The following RPS6KB2 variants were observed in gnomAD, a reference collection of about 807,000 sequenced individuals.
RPS6KB2 encodes ribosomal protein S6 kinase B2.
In RPS6KB2, 51 loss-of-function variants were observed where a neutral mutation model predicts 58.2. The observed-to-expected ratio is 0.88, with a 90% CI of 0.70 to 1.11. The LOEUF is 1.11. Among genes scored for constraint, RPS6KB2 ranks in the 50% least tolerant of loss-of-function variants. The pLI, the probability that RPS6KB2 is intolerant of heterozygous loss-of-function variation, is 0.00. For missense variants in RPS6KB2, 671 were observed against 655.8 expected, an observed-to-expected ratio of 1.02 and a Z score of -0.25; for synonymous variants, 293 against 258.6, an observed-to-expected ratio of 1.13 and a Z score of -1.28.
At chr11:67,433,932 T>G (rs76630482) in intron 10 of RPS6KB2, 63 bp from the exon 11 acceptor site, 1 of 1,587,294 alleles carries the variant, frequency 6.3e-7, no homozygotes, top group Non-Finnish European at 8.6e-7. Context: ...CAGCTAGCCC[T>G]GGGACCCGGG....
At chr11:67,432,440 C>T (rs1238882670) in intron 5 of RPS6KB2, 160 bp from the exon 6 acceptor site, 16 of 780,764 alleles carry the variant, frequency 2.0e-5, no homozygotes, top group African/African-American at 5.1e-5. Context: ...GAGTAGGCGT[C>T]GGTAGATGTT....
chr11:67,429,966 A>T (rs772840735), intron 4 of RPS6KB2: 1 of 182,896 alleles, frequency 5.5e-6, no homozygotes, highest in Non-Finnish European at 1.2e-5. Flanking sequence ...GGCGCTTGCC[A>T]CCACACCCAG....
chr11:67,433,194 T>C lies in RPS6KB2; in HGVS notation c.776T>C (p.Met259Thr), dbSNP rs1256596420. ...GACTGGTGGAGCCTGGGGGCCCTGA[T>C]GTACGACATGCTCACTGGATCGGCA... ...AVDWWSLGALMYDMLTGSPPF... is the reference protein window; with the variant it reads ...AVDWWSLGALTYDMLTGSPPF... Residue 259 changes from methionine to threonine, a missense_variant, in exon 9 of 15, where the codon ATG becomes ACG. Coordinates refer to ENST00000312629, the MANE Select transcript of RPS6KB2 (RefSeq NM_003952.3). 1 of 1,606,132 alleles carries C rather than the reference T, an allele frequency of 6.2e-7. No individual in the cohort carries two copies. The highest frequency in any genetic ancestry group is 8.5e-7 in the Non-Finnish European group (1 of 1,178,646).
rs759417824 is a variant in RPS6KB2, at chr11:67,432,585, G to A, written c.458-15G>A. ...TTGGACCCAGCACGTGGCTGCTGACGTGTTTGTGTGGCAGGTGGCGAGCTC... is the reference window on the plus strand; with the variant it reads ...TTGGACCCAGCACGTGGCTGCTGACATGTTTGTGTGGCAGGTGGCGAGCTC... On this transcript the variant is annotated splice_polypyrimidine_tract_variant and intron_variant, in intron 5 of 14. Coordinates refer to ENST00000312629, the MANE Select transcript of RPS6KB2 (RefSeq NM_003952.3). The A allele has an allele frequency of 5.6e-6, 9 of 1,614,036 alleles. No homozygotes were observed. The East Asian group carries it at 6.7e-5, about 12-fold the overall frequency.
chr11:67,434,259 C>A lies in RPS6KB2; in HGVS notation c.1031C>A (p.Pro344His). The A allele has an allele frequency of 6.2e-7, 1 of 1,613,652 alleles. No individual in the cohort carries two copies. The highest frequency in any genetic ancestry group is 1.7e-5 in the Admixed American group (1 of 60,030). ...DDLLAWRVDP[P>H]FRPCLQSEED... is the part of the protein sequence containing the mutation. ...CTTCTGGCCTGGCGTGTGGACCCCC[C>A]TTTCAGGCCCTGTCTGGTGAGCAGC... The change falls in exon 12 of 15, where the codon CCT (proline) becomes CAT (histidine). Residue 344 changes from proline (P) to histidine (H), a missense_variant. Transcript: ENST00000312629.
At position 67,432,400 on chromosome 11, in the gene RPS6KB2, C is replaced by T. The variant is rs765089368; in HGVS notation, c.458-200C>T. ...GTGGCTGGGTCTCTTCATCCTGTCC[C>T]CAGCTTCACCCAGCACAGGGCCAGG... On this transcript the variant is annotated intron_variant, in intron 5 of 14. Coordinates refer to ENST00000312629, the MANE Select transcript of RPS6KB2 (RefSeq NM_003952.3). 2.3e-5 allele frequency: 16 copies of T among 703,772 alleles called. No homozygotes were observed. The Admixed American group carries it at 2.4e-4, about 11-fold the overall frequency. The allele number at this position is 703,772 out of a possible 1,614,324, so 43.6% of individuals were successfully genotyped here.
chr11:67,431,029 AT>A (rs60580998), intron 4 of RPS6KB2: 5,647 of 128,618 alleles, frequency 0.044, 127 homozygotes, highest in East Asian at 0.11. Context: ...GGTTGCCCCC[AT>A]TTTTTTTTTT....
chr11:67,429,430 C>G (rs1429361819), intron 3 of RPS6KB2, 97 bp from the exon 4 acceptor site: 2 of 1,401,866 alleles, frequency 1.4e-6, no homozygotes, highest in Non-Finnish European at 2.0e-6. Flanking sequence ...CTTGGCAGGG[C>G]CTAGGCCTCC....
rs1347196403 is a variant in RPS6KB2 at position 67,435,314 on chromosome 11, G to A, written c.*145G>A. On this transcript the variant is annotated 3_prime_UTR_variant, in exon 15 of 15. Coordinates refer to ENST00000312629, the MANE Select transcript of RPS6KB2 (RefSeq NM_003952.3). ...ATGAAAGTGTGTGTCTGCTGGGGCA[G>A]CTGTGCCCCTGAATCATGGGCACGG... 3.1e-5 allele frequency: 25 copies of A among 812,932 alleles called. No individual in the cohort carries two copies. Among genetic ancestry groups the A allele is most frequent in the Non-Finnish European group, 4.5e-5 (24 of 535,522 alleles). The allele number at this position is 812,932 out of a possible 1,614,324, so 50.4% of individuals were successfully genotyped here. A position where few individuals can be genotyped will look rare whatever the true frequency, so the allele number is the denominator to read the frequency against.
chr11:67,432,249 T>C, intron 5 of RPS6KB2: 1 of 536,382 alleles, frequency 1.9e-6, no homozygotes, highest in Non-Finnish European at 3.6e-6. Flanking sequence ...TGGGATTCAC[T>C]CTGTCTTCCC....
In RPS6KB2 at chr11:67,435,289, A is replaced by T; in HGVS notation, c.*120A>T. 1 of 954,442 alleles carries T rather than the reference A, an allele frequency of 1.0e-6. No homozygotes were observed. The highest frequency in any genetic ancestry group is 2.7e-5 in the East Asian group (1 of 37,020). The allele number at this position is 954,442 out of a possible 1,614,324, so 59.1% of individuals were successfully genotyped here. Reference sequence around the variant, plus strand: ...GTCTGGGGGTGGGGTGTGAGTGCGTATGAAAGTGTGTGTCTGCTGGGGCAG... The same window carrying T: ...GTCTGGGGGTGGGGTGTGAGTGCGTTTGAAAGTGTGTGTCTGCTGGGGCAG... On this transcript the variant is annotated 3_prime_UTR_variant, in exon 15 of 15. Transcript: ENST00000312629.
In RPS6KB2 at chr11:67,428,794, C is replaced by A. The variant is rs574742519; in HGVS notation, c.78+171C>A. 5.1e-4 allele frequency: 465 copies of A among 914,428 alleles called. No homozygotes were observed. In the African/African-American group the frequency reaches 6.4e-3, roughly 13 times the overall value. The allele number at this position is 914,428 out of a possible 1,614,324, so 56.6% of individuals were successfully genotyped here. ...TGATCCCACCCTCACCCCGACCTCT[C>A]TTCCAGAACCCCAGCCTTTTCTCCC... On this transcript the variant is annotated intron_variant, in intron 1 of 14. Coordinates refer to ENST00000312629, the MANE Select transcript of RPS6KB2 (RefSeq NM_003952.3).
chr11:67,434,114 G>C, intron 11 of RPS6KB2, 57 bp downstream of exon 11: 2 of 1,612,566 alleles, frequency 1.2e-6, no homozygotes, highest in Non-Finnish European at 1.7e-6. Flanking sequence ...GCCGGGAATG[G>C]GGGCAGGGCC....
Position 67,428,531 on chromosome 11 carries a change from G to C in RPS6KB2, c.-15G>C. The stretch of plus-strand genomic sequence containing the variant: ...GCCAGGTACGGGCCGACGGGCCCGC[G>C]GGGCCGGCGCCGCCATGGCGGCCGT... On this transcript the variant is annotated 5_prime_UTR_variant, in exon 1 of 15. Coordinates refer to ENST00000312629, the MANE Select transcript of RPS6KB2 (RefSeq NM_003952.3). 2 of 1,601,008 alleles carry C rather than the reference G, an allele frequency of 1.2e-6. No individual in the cohort carries two copies. Among genetic ancestry groups the C allele is most frequent in the Non-Finnish European group, 1.7e-6 (2 of 1,173,800 alleles).
Position 67,431,400 on chromosome 11 carries a change from A to G in RPS6KB2, c.342A>G (p.Ala114=). The change falls in exon 5 of 15, where the codon GCA becomes GCG. Residue 114 remains alanine (A), a synonymous_variant. Coordinates refer to ENST00000312629, the MANE Select transcript of RPS6KB2 (RefSeq NM_003952.3). Reference sequence around the variant, plus strand: ...TTGTGCGCAATGCCAAGGACACAGCACACACACGGGCTGAGCGGAACATTC... The same window carrying G: ...TTGTGCGCAATGCCAAGGACACAGCGCACACACGGGCTGAGCGGAACATTC... ...AKIVRNAKDT[A]HTRAERNILE... 6.2e-7 allele frequency: 1 copy of G among 1,614,022 alleles called. No homozygotes were observed. The highest frequency in any genetic ancestry group is 8.5e-7 in the Non-Finnish European group (1 of 1,179,960).
At position 67,432,596 on chromosome 11, in the gene RPS6KB2, G is replaced by T. The variant is rs201573086; in HGVS notation, c.458-4G>T. On this transcript the variant is annotated splice_region_variant and splice_polypyrimidine_tract_variant and intron_variant, in intron 5 of 14. Coordinates refer to ENST00000312629, the MANE Select transcript of RPS6KB2 (RefSeq NM_003952.3). The stretch of plus-strand genomic sequence containing the variant: ...ACGTGGCTGCTGACGTGTTTGTGTG[G>T]CAGGTGGCGAGCTCTTCACGCATCT... 1 of 1,614,080 alleles carries T rather than the reference G, an allele frequency of 6.2e-7. No individual in the cohort carries two copies. The highest frequency in any genetic ancestry group is 8.5e-7 in the Non-Finnish European group (1 of 1,180,024).
rs371640266 is a variant in RPS6KB2, at chr11:67,434,713, G to T, written c.1268+19G>T. The T allele has an allele frequency of 7.1e-5, 111 of 1,567,952 alleles. 2 individuals carry two copies. Among genetic ancestry groups the T allele is most frequent in the South Asian group, 7.0e-4 (62 of 88,114 alleles). Reference sequence around the variant, plus strand: ...CCGTCAGGTACTGAGGGACGTGGGGGTGTGTGGCTGGGTTAGGGACGCTGG... The same window carrying T: ...CCGTCAGGTACTGAGGGACGTGGGGTTGTGTGGCTGGGTTAGGGACGCTGG... On this transcript the variant is annotated intron_variant, in intron 14 of 14. Transcript: ENST00000312629.
chr11:67,433,177 G>T lies in RPS6KB2; in HGVS notation c.759G>T (p.Trp253Cys). ...RSGHNRAVDW[W>C]SLGALMYDML... ...GCCACAACCGGGCTGTGGACTGGTGGAGCCTGGGGGCCCTGATGTACGACA... is the reference window on the plus strand; with the variant it reads ...GCCACAACCGGGCTGTGGACTGGTGTAGCCTGGGGGCCCTGATGTACGACA... The change falls in exon 9 of 15, where the codon TGG becomes TGT. Residue 253 changes from tryptophan (W) to cysteine (C), a missense_variant. Transcript: ENST00000312629. The T allele has an allele frequency of 6.2e-7, 1 of 1,605,440 alleles. No homozygotes were observed. The highest frequency in any genetic ancestry group is 2.2e-5 in the East Asian group (1 of 44,612).
chr11:67,432,891 G>T, intron 7 of RPS6KB2, 54 bp downstream of exon 7: 1 of 1,607,880 alleles, frequency 6.2e-7, no homozygotes, highest in Non-Finnish European at 8.5e-7. Context: ...TGTGGGGAGG[G>T]CTGAGGACCT....
Sources: allele counts gnomAD v4.1 joint callset, GRCh38; gene constraint gnomAD v4.1.1; transcripts MANE v1.5; gene names NCBI Gene and HGNC (gene_info 2026-07-23, HGNC 2026-07-21).